TFEC: variants seen among roughly 807,000 people sequenced by gnomAD.
TFEC encodes the protein class E basic helix-loop-helix protein 34.
A neutral mutation model predicts 41.6 loss-of-function variants in TFEC; 31 were observed. That is an observed-to-expected ratio of 0.74 (90% CI 0.56 to 1.01). TFEC has a LOEUF of 1.01. TFEC is among the 50% of genes least tolerant of loss of function. The probability of loss-of-function intolerance (pLI) is 0.00; values close to 1 mark genes in which losing one functional copy is unlikely to be tolerated. For synonymous variants in TFEC, 143 were observed against 140.6 expected (o/e 1.02, Z -0.12); for missense variants, 402 against 404.1 (o/e 0.99, Z 0.04).
chr7:116,041,293 A>G (rs57572956), intron 3 of TFEC, among the ~76,000 whole-genome samples: 1 of 152,070 alleles, frequency 6.6e-6, no homozygotes, highest in East Asian at 1.9e-4. Flanking sequence ...TTAAAAAAAA[A>G]GAAAAAAAAA....
rs536675025 is a variant in TFEC, at chr7:115,963,087, T to C, written c.268-6294A>G. On this transcript the variant is annotated intron_variant, in intron 3 of 7. Coordinates refer to ENST00000265440, the MANE Select transcript of TFEC (RefSeq NM_012252.4). ...TCATTGTTCAACTCCCACTTCTGAG[T>C]GAGAACATGCAGTGTTTGGTTTTCT... 9.4e-4 allele frequency among the ~76,000 whole-genome samples: 142 copies of C among 151,476 alleles called. 1 individual carries two copies. Among genetic ancestry groups the C allele is most frequent in the Non-Finnish European group, 1.5e-3 (103 of 67,782 alleles).
At chr7:116,108,700 T>G (rs1562971919) in intron 3 of TFEC, among the ~76,000 whole-genome samples, 1 of 152,100 alleles carries the variant, frequency 6.6e-6, no homozygotes, top group Non-Finnish European at 1.5e-5. Flanking sequence ...AGTGTTTGCT[T>G]TCAAAGTTAC....
At chr7:116,070,876 T>A (rs146100863) in intron 3 of TFEC, among the ~76,000 whole-genome samples, 2,897 of 151,396 alleles carry the variant, frequency 0.019, 32 homozygotes, top group Non-Finnish European at 0.031. Flanking sequence ...GAAGAAATAA[T>A]TCTATATGAA....
chr7:115,968,808 C>T (rs1056289623), intron 3 of TFEC, among the ~76,000 whole-genome samples: 1 of 151,794 alleles, frequency 6.6e-6, no homozygotes, highest in Admixed American at 6.6e-5. Flanking sequence ...GGATTCAAGG[C>T]CCTACTTTGC....
At position 115,967,305 on chromosome 7, in the gene TFEC, T is replaced by C. The variant is rs186237299; in HGVS notation, c.267+6865A>G. Among the ~76,000 whole-genome samples, 630 of 151,832 alleles carry C rather than the reference T, an allele frequency of 4.1e-3. 1 individual carries two copies. Among genetic ancestry groups the C allele is most frequent in the Non-Finnish European group, 7.2e-3 (490 of 67,796 alleles). ...TATTTTGAGTTGTTTGGATCCTATA[T>C]TGTGTTTTTTTGTGAAAACATTCAT... On this transcript the variant is annotated intron_variant, in intron 3 of 7. Coordinates refer to ENST00000265440, the MANE Select transcript of TFEC (RefSeq NM_012252.4).
upstream of TFEC, among the ~76,000 whole-genome samples, chr7:116,034,057 A>G (rs1257227472): frequency 1.3e-5 from 2 of 152,096 alleles, no homozygotes; most frequent in Non-Finnish European, 2.9e-5. Context: ...ATCAGCAGTG[A>G]ATGCGTGATC....
chr7:116,040,834 G>A (rs748617158), intron 3 of TFEC, among the ~76,000 whole-genome samples: 2 of 152,164 alleles, frequency 1.3e-5, no homozygotes, highest in Non-Finnish European at 2.9e-5. Flanking sequence ...CTGCATTTGT[G>A]TGTATTGTGA....
At position 116,114,397 on chromosome 7, in the gene TFEC, A is replaced by G. The variant is rs189389680; in HGVS notation, c.-68-2359T>C. Among the ~76,000 whole-genome samples the G allele has an allele frequency of 8.2e-3, 1,239 of 151,654 alleles. 20 individuals carry two copies. Among genetic ancestry groups the G allele is most frequent in the African/African-American group, 0.028 (1,161 of 41,374 alleles). ...GTGAGACCTCTAAAACAAAAATAAA[A>G]CAAAATAAACAACAAAGGTGAGAAT... On this transcript the variant is annotated intron_variant, in intron 1 of 8. Transcript: ENST00000484212.
chr7:115,958,651 A>G (rs1283553534), intron 3 of TFEC, among the ~76,000 whole-genome samples: 4 of 151,868 alleles, frequency 2.6e-5, no homozygotes, highest in African/African-American at 9.7e-5. Context: ...CTAGTCAGAC[A>G]GCACCCAGTG....
At chr7:115,955,437 C>T (rs1353562713) in intron 4 of TFEC, among the ~76,000 whole-genome samples, 1 of 152,016 alleles carries the variant, frequency 6.6e-6, no homozygotes, top group African/African-American at 2.4e-5. Flanking sequence ...ATGAAGAAGT[C>T]CAAGCAGTCA....
chr7:116,127,691 C>CA (rs72053152), intron 1 of TFEC, among the ~76,000 whole-genome samples: 31,690 of 104,820 alleles, frequency 0.3, 4,514 homozygotes, highest in East Asian at 0.6. Flanking sequence ...GAGTCAGTGT[C>CA]AAAAAAAAAA....
At chr7:116,066,352 A>T (rs545951761) in intron 3 of TFEC, among the ~76,000 whole-genome samples, 1 of 152,252 alleles carries the variant, frequency 6.6e-6, no homozygotes, top group African/African-American at 2.4e-5. Flanking sequence ...TTCTTTTGAT[A>T]TAAGTTAATG....
chr7:116,099,779 T>C (rs1035269394), intron 3 of TFEC, among the ~76,000 whole-genome samples: 2 of 152,236 alleles, frequency 1.3e-5, no homozygotes, highest in Non-Finnish European at 2.9e-5. Context: ...CTGATTTTCA[T>C]AGTAGTTGGT....
At chr7:115,950,740 C>A in intron 6 of TFEC, 134 bp downstream of exon 6, 1 of 575,436 alleles carries the variant, frequency 1.7e-6, no homozygotes, top group South Asian at 3.0e-5. Context: ...TTAAAATGAG[C>A]CCAGCAATAG....
intron 3 of TFEC, among the ~76,000 whole-genome samples, chr7:116,089,245 G>C (rs935029773): frequency 1.3e-5 from 2 of 152,018 alleles, no homozygotes; most frequent in African/African-American, 4.8e-5. Context: ...TCCATAAAAG[G>C]TAGCAAAGAA....
At chr7:115,986,521 G>A (rs1426194209) in intron 1 of TFEC, among the ~76,000 whole-genome samples, 2 of 152,146 alleles carry the variant, frequency 1.3e-5, no homozygotes, top group Middle Eastern at 3.4e-3. Flanking sequence ...AAATTAAAAA[G>A]AAGTGGTTTT....
chr7:115,989,677 G>A (rs1794019153), intron 1 of TFEC, among the ~76,000 whole-genome samples: 1 of 152,198 alleles, frequency 6.6e-6, no homozygotes, highest in Non-Finnish European at 1.5e-5. Context: ...GCTTGGGGAG[G>A]GCCGTCCACC....
intron 3 of TFEC, among the ~76,000 whole-genome samples, chr7:115,959,872 A>G (rs986808644): frequency 1.3e-5 from 2 of 151,666 alleles, no homozygotes; most frequent in Non-Finnish European, 3.0e-5. Flanking sequence ...TAGAATTATT[A>G]GAACTAAATT....
chr7:116,068,313 C>G (rs1166246747), intron 3 of TFEC, among the ~76,000 whole-genome samples: 1 of 151,546 alleles, frequency 6.6e-6, no homozygotes, highest in Non-Finnish European at 1.5e-5. Flanking sequence ...TGTTACTAAG[C>G]CTAAAATTGT....
Sources: gnomAD v4.1 joint callset for allele counts (sites outside exome capture counted in the v4.1 genomes callset) on GRCh38, gnomAD v4.1.1 for gene constraint, MANE v1.5 for transcripts, NCBI Gene and HGNC (gene_info 2026-07-23, HGNC 2026-07-21) for gene names.